CDYL: variants seen among roughly 807,000 people sequenced by gnomAD.
CDYL encodes the protein chromodomain Y like.
CDYL carries 8 observed loss-of-function variants against 47.3 expected under a neutral mutation model. The ratio of observed to expected loss-of-function variants is 0.17; its 90% CI spans 0.10 to 0.31. The LOEUF is 0.31. Among genes scored for constraint, CDYL ranks in the 10% least tolerant of loss-of-function variants. The pLI, the probability that CDYL is intolerant of heterozygous loss-of-function variation, is 1.00. For missense variants in CDYL, 471 were observed against 701.4 expected (o/e 0.67, Z 3.71); for synonymous variants, 266 against 265.0 (o/e 1.00, Z -0.04).
chr6:4,886,348 A>G (rs1171107447), intron 1 of CDYL, among the ~76,000 whole-genome samples: 1 of 152,164 alleles, frequency 6.6e-6, no homozygotes, highest in Non-Finnish European at 1.5e-5. Context: ...ACATTACCAC[A>G]AGCAGTACAT....
chr6:4,755,260 G>A (rs1451354756), intron 3 of CDYL, among the ~76,000 whole-genome samples: 5 of 150,268 alleles, frequency 3.3e-5, no homozygotes, highest in East Asian at 2.0e-4. Context: ...TAGTTGAGAC[G>A]GGGTTTCCCC....
rs535368920 is a variant in CDYL at position 4,858,773 on chromosome 6, C to T, written c.25-32940C>T. 5.3e-5 allele frequency among the ~76,000 whole-genome samples: 8 copies of T among 152,364 alleles called. No homozygotes were observed. The East Asian group carries it at 9.6e-4, about 18-fold the overall frequency. On this transcript the variant is annotated intron_variant, in intron 1 of 6. Coordinates refer to ENST00000397588, the MANE Select transcript of CDYL (RefSeq NM_004824.4). Reference sequence around the variant, plus strand: ...TGTGTGAGTTTGAATCCAGCTCTTCCAGTTACTGCTCCCTTGACAGAGTGA... The same window carrying T: ...TGTGTGAGTTTGAATCCAGCTCTTCTAGTTACTGCTCCCTTGACAGAGTGA...
chr6:4,894,388 G>C (rs1581242373), intron 2 of CDYL, among the ~76,000 whole-genome samples: 1 of 152,118 alleles, frequency 6.6e-6, no homozygotes, highest in East Asian at 1.9e-4. Context: ...CGTGGGCTTG[G>C]CCCTGCCCTG....
At chr6:4,952,239 T>C (rs766783785) in intron 5 of CDYL, 27 bp from the exon 6 acceptor site, 3 of 1,607,472 alleles carry the variant, frequency 1.9e-6, no homozygotes, top group Admixed American at 3.4e-5. Context: ...CCGCAATTCA[T>C]ATTACATCCA....
At chr6:4,889,555 GAAT>G (rs1761984676) in intron 1 of CDYL, among the ~76,000 whole-genome samples, 1 of 152,142 alleles carries the variant, frequency 6.6e-6, no homozygotes, top group African/African-American at 2.4e-5. Flanking sequence ...AAGATCAAAA[GAAT>G]AATAATATTT....
intron 2 of CDYL, among the ~76,000 whole-genome samples, chr6:4,899,520 C>T (rs965532995): frequency 8.6e-5 from 13 of 151,970 alleles, no homozygotes; most frequent in South Asian, 2.1e-4. Flanking sequence ...GGTGGATATA[C>T]GGGGAAACAA....
chr6:4,954,158 C>T lies in CDYL; in HGVS notation c.*102C>T, dbSNP rs1001895305. On this transcript the variant is annotated 3_prime_UTR_variant, in exon 7 of 7. Coordinates refer to ENST00000397588, the MANE Select transcript of CDYL (RefSeq NM_004824.4). ...TTCTCACAGCCTGAAACAAGCTCAC[C>T]CGTAGCTTACGCTTGGAAGCAGGAC... 4.7e-6 allele frequency: 6 copies of T among 1,275,118 alleles called. No homozygotes were observed. The highest frequency in any genetic ancestry group is 6.4e-6 in the Non-Finnish European group (6 of 934,408). The allele number at this position is 1,275,118 out of a possible 1,614,324, so 79.0% of individuals were successfully genotyped here.
At chr6:4,741,805 G>T (rs1468619975) in intron 3 of CDYL, among the ~76,000 whole-genome samples, 1 of 152,188 alleles carries the variant, frequency 6.6e-6, no homozygotes, top group African/African-American at 2.4e-5. Context: ...AAGGCAGCTA[G>T]TAGTTGATGC....
chr6:4,941,942 G>C (rs1053268248), intron 4 of CDYL, among the ~76,000 whole-genome samples: 2 of 152,152 alleles, frequency 1.3e-5, no homozygotes, highest in African/African-American at 2.4e-5. Context: ...CAGTTCAGCA[G>C]TTTTACCTTT....
At chr6:4,712,442 G>A (rs1251421974) in intron 1 of CDYL, among the ~76,000 whole-genome samples, 1 of 152,204 alleles carries the variant, frequency 6.6e-6, no homozygotes, top group African/African-American at 2.4e-5. Flanking sequence ...GACAGCAGGG[G>A]CTGGGCCCAC....
intron 3 of CDYL, among the ~76,000 whole-genome samples, chr6:4,748,414 G>T (rs1757933246): frequency 1.3e-5 from 2 of 151,850 alleles, no homozygotes; most frequent in African/African-American, 4.8e-5. Context: ...TAATAACACA[G>T]GCTATATGGC....
At chr6:4,793,740 T>C (rs1357433811) in intron 1 of CDYL, among the ~76,000 whole-genome samples, 1 of 151,562 alleles carries the variant, frequency 6.6e-6, no homozygotes, top group Non-Finnish European at 1.5e-5. Context: ...TAGTAAGGAG[T>C]GATTGCATTT....
intron 1 of CDYL, among the ~76,000 whole-genome samples, chr6:4,845,330 G>A (rs76733690): frequency 0.035 from 5,299 of 152,292 alleles, 120 homozygotes; most frequent in Non-Finnish European, 0.052. Flanking sequence ...GTCATTTTGC[G>A]ATGCCTGGAT....
intron 1 of CDYL, among the ~76,000 whole-genome samples, chr6:4,780,205 C>CTCCTT (rs1302304928): frequency 2.6e-5 from 4 of 151,652 alleles, no homozygotes; most frequent in Non-Finnish European, 5.9e-5. Flanking sequence ...GTAATCCTCC[C>CTCCTT]TCCTTTCCTC....
At chr6:4,790,271 T>C (rs1581168449) in intron 1 of CDYL, among the ~76,000 whole-genome samples, 2 of 152,340 alleles carry the variant, frequency 1.3e-5, no homozygotes, top group Non-Finnish European at 2.9e-5. Flanking sequence ...ACTTAACAAA[T>C]GTATAGTGAG....
At chr6:4,754,812 A>G (rs917321815) in intron 3 of CDYL, among the ~76,000 whole-genome samples, 7 of 152,232 alleles carry the variant, frequency 4.6e-5, no homozygotes, top group African/African-American at 1.7e-4. Flanking sequence ...ATCATATCCT[A>G]TAAATTAAAA....
chr6:4,826,197 T>C (rs1028199738), intron 1 of CDYL, among the ~76,000 whole-genome samples: 5 of 152,270 alleles, frequency 3.3e-5, no homozygotes, highest in African/African-American at 1.2e-4. Flanking sequence ...TTAGTATCCA[T>C]TGATTCAATG....
At chr6:4,718,455 A>G (rs1757310923) in intron 2 of CDYL, 2 of 151,940 alleles carry the variant, frequency 1.3e-5, no homozygotes, top group South Asian at 2.1e-4. Context: ...TTTTTGTATT[A>G]TAAGTAGACA....
At chr6:4,932,108 G>C (rs997680563) in intron 2 of CDYL, among the ~76,000 whole-genome samples, 1 of 152,212 alleles carries the variant, frequency 6.6e-6, no homozygotes, top group Admixed American at 6.5e-5. Context: ...GAGGTGGGGA[G>C]AGTGGACCTG....
Sources: gnomAD v4.1 joint callset for allele counts (sites outside exome capture counted in the v4.1 genomes callset) on GRCh38, gnomAD v4.1.1 for gene constraint, MANE v1.5 for transcripts, NCBI Gene and HGNC (gene_info 2026-07-23, HGNC 2026-07-21) for gene names.